Variants in HMMR observed in about 807,000 individuals in gnomAD.
HMMR encodes the protein hyaluronan mediated motility receptor.
HMMR carries 108 observed loss-of-function variants against 101.0 expected under a neutral mutation model. The ratio of observed to expected loss-of-function variants is 1.07; its 90% confidence interval spans 0.92 to 1.25. HMMR has a LOEUF of 1.25. Among genes scored for constraint, HMMR ranks in the 50% most tolerant of loss-of-function variants. HMMR has a pLI of 0.00. For synonymous variants in HMMR, 296 were observed against 276.4 expected, an observed-to-expected ratio of 1.07 and a Z score of -0.70; for missense variants, 813 against 788.7, an observed-to-expected ratio of 1.03 and a Z score of -0.37.
intron 11 of HMMR, among the ~76,000 whole-genome samples, chr5:163,477,488 C>T (rs1379758613): frequency 1.3e-5 from 2 of 151,948 alleles, no homozygotes; most frequent in Non-Finnish European, 2.9e-5. Context: ...TTTTCATATC[C>T]CTGCTTTTGG....
intron 7 of HMMR, 45 bp downstream of exon 7, chr5:163,471,508 CTTGAT>C (rs764540790): frequency 2.3e-6 from 3 of 1,296,232 alleles, no homozygotes; most frequent in East Asian, 4.7e-5. Flanking sequence ...GGAAGCAATT[CTTGAT>C]TTGAGTCTCT....
At chr5:163,473,688 A>G (rs948251420) in intron 9 of HMMR, 131 bp downstream of exon 9, 9 of 583,182 alleles carry the variant, frequency 1.5e-5, no homozygotes, top group African/African-American at 9.6e-5. Context: ...AATTAGCTAT[A>G]TAGCTATACA....
chr5:163,484,318 AATGAAT>A (rs1428418172), intron 16 of HMMR, 73 bp downstream of exon 16: 1 of 712,326 alleles, frequency 1.4e-6, no homozygotes, highest in Non-Finnish European at 2.2e-6. Flanking sequence ...ACTTAAATAA[AATGAAT>A]ATCTTTGGTA....
intron 16 of HMMR, among the ~76,000 whole-genome samples, chr5:163,490,071 C>A (rs1367329342): frequency 1.3e-5 from 2 of 152,166 alleles, no homozygotes; most frequent in Non-Finnish European, 1.5e-5. Context: ...TTTAGTTTCA[C>A]TAGGGAGCAG....
chr5:163,470,188 A>G (rs1028011504), intron 5 of HMMR, among the ~76,000 whole-genome samples: 5 of 152,184 alleles, frequency 3.3e-5, no homozygotes, highest in African/African-American at 1.2e-4. Flanking sequence ...ACAAAACAAA[A>G]CAACATACAC....
chr5:163,479,799 TCTC>T (rs1005290492), intron 12 of HMMR, among the ~76,000 whole-genome samples: 15 of 152,272 alleles, frequency 9.9e-5, no homozygotes, highest in African/African-American at 3.6e-4. Context: ...TCCTTTTCCT[TCTC>T]CTCCTTTTTC....
Position 163,464,707 on chromosome 5 carries a change from A to G in HMMR, c.146-16A>G, listed in dbSNP as rs779671668. On this transcript the variant is annotated splice_polypyrimidine_tract_variant and intron_variant, in intron 2 of 17. Coordinates refer to ENST00000393915, the MANE Select transcript of HMMR (RefSeq NM_001142556.2). Reference sequence around the variant, plus strand: ...ATTGACATCAACCATGATCTGTACAATTCATTTTTCCGCAGAATCTAAACA... The same window carrying G: ...ATTGACATCAACCATGATCTGTACAGTTCATTTTTCCGCAGAATCTAAACA... 3 of 1,553,304 alleles carry G rather than the reference A, an allele frequency of 1.9e-6. No individual in the cohort carries two copies. The highest frequency in any genetic ancestry group is 2.7e-6 in the Non-Finnish European group (3 of 1,126,022).
At position 163,483,331 on chromosome 5, in the gene HMMR, C is replaced by A; in HGVS notation, c.1749C>A (p.Leu583=). 1 of 1,601,766 alleles carries A rather than the reference C, an allele frequency of 6.2e-7. No homozygotes were observed. Among genetic ancestry groups the A allele is most frequent in the Non-Finnish European group, 8.5e-7 (1 of 1,169,620 alleles). ...LTEEINKWRL[L]YEELYNKTKP... ...AAGAAATTAACAAGTGGCGTCTCCT[C>A]TATGAAGAACTATATAATAAAACAA... is the stretch of plus-strand genomic sequence containing the variant. Residue 583 remains leucine (L), a synonymous_variant, in exon 15 of 18, where the codon CTC becomes CTA. Transcript: ENST00000393915.
At chr5:163,469,594 T>C in intron 4 of HMMR, 47 bp from the exon 5 acceptor site, 8 of 1,493,432 alleles carry the variant, frequency 5.4e-6, no homozygotes, top group Non-Finnish European at 7.4e-6. Context: ...CTCCTTATGT[T>C]GGCATTCTAT....
intron 11 of HMMR, among the ~76,000 whole-genome samples, chr5:163,476,533 G>T (rs1759075315): frequency 6.6e-6 from 1 of 152,164 alleles, no homozygotes; most frequent in Non-Finnish European, 1.5e-5. Context: ...TACTCAGGAG[G>T]CTGAGATGGG....
chr5:163,463,832 A>G (rs768549675), intron 1 of HMMR, 24 bp from the exon 2 acceptor site: 95 of 908,432 alleles, frequency 1.0e-4, no homozygotes, highest in Non-Finnish European at 8.7e-5. Flanking sequence ...TAGATAATAT[A>G]TTAATGTTTT....
At position 163,484,135 on chromosome 5, in the gene HMMR, C is replaced by G. The variant is rs151110772; in HGVS notation, c.1852C>G (p.Gln618Glu). 7 of 1,602,864 alleles carry G rather than the reference C, an allele frequency of 4.4e-6. No homozygotes were observed. The highest frequency in any genetic ancestry group is 2.2e-5 in the East Asian group (1 of 44,494). The change falls in exon 16 of 18, where the codon CAG becomes GAG. Residue 618 changes from glutamine to glutamate, a missense_variant. Transcript: ENST00000393915. ...GAATGAACATGGTGCAGCTCAGGAACAGCTAAATAAAATAAGAGATTCATA... is the reference window on the plus strand; with the variant it reads ...GAATGAACATGGTGCAGCTCAGGAAGAGCTAAATAAAATAAGAGATTCATA... ...LLNEHGAAQE[Q>E]LNKIRDSYAK...
chr5:163,469,195 T>C (rs1758791240), intron 4 of HMMR, among the ~76,000 whole-genome samples: 1 of 151,246 alleles, frequency 6.6e-6, no homozygotes, highest in African/African-American at 2.4e-5. Context: ...AAACCCCGTC[T>C]CTATTAAAAA....
At chr5:163,474,468 T>A (rs1759005390) in intron 10 of HMMR, 3 of 475,492 alleles carry the variant, frequency 6.3e-6, no homozygotes, top group Non-Finnish European at 1.2e-5. Context: ...GGCTCATTCT[T>A]GTGTTATTTA....
In HMMR at chr5:163,470,713, G is replaced by A. The variant is rs1758858272; in HGVS notation, c.463-472G>A. ...AAAGAGGGATAAGAACAGTAGACTG[G>A]TACAGTGGCTCATGCCTGTATTTCC... On this transcript the variant is annotated intron_variant, in intron 5 of 17. Coordinates refer to ENST00000393915, the MANE Select transcript of HMMR (RefSeq NM_001142556.2). 2.0e-5 allele frequency among the ~76,000 whole-genome samples: 3 copies of A among 152,178 alleles called. No homozygotes were observed. The South Asian group carries it at 6.2e-4, about 32-fold the overall frequency.
chr5:163,471,518 G>C, intron 7 of HMMR, 55 bp downstream of exon 7: 1 of 1,168,634 alleles, frequency 8.6e-7, no homozygotes, highest in South Asian at 1.3e-5. Flanking sequence ...CTTGATTTGA[G>C]TCTCTTCACA....
At chr5:163,469,319 G>C (rs1001629526) in intron 4 of HMMR, among the ~76,000 whole-genome samples, 1 of 149,834 alleles carries the variant, frequency 6.7e-6, no homozygotes, top group Admixed American at 6.7e-5. Flanking sequence ...AGCCGAGATC[G>C]TGCCACTGCA....
rs147900847 is a variant in HMMR, at chr5:163,473,789, T to C, written c.904+232T>C. Reference sequence around the variant, plus strand: ...CAATACAGCATATTACCTGTCTTGATTGAAATATATACAGTCATATAATTC... The same window carrying C: ...CAATACAGCATATTACCTGTCTTGACTGAAATATATACAGTCATATAATTC... On this transcript the variant is annotated intron_variant, in intron 9 of 17. Transcript: ENST00000393915. 2.9e-4 allele frequency among the ~76,000 whole-genome samples: 44 copies of C among 152,206 alleles called. 1 individual carries two copies. In the East Asian group the frequency reaches 7.5e-3, roughly 26 times the overall value.
rs773884555 is a variant in HMMR at position 163,474,083 on chromosome 5, C to G, written c.931C>G (p.His311Asp). Residue 311 changes from histidine (H) to aspartate (D), a missense_variant, in exon 10 of 18, where the codon CAC (histidine) becomes GAC (aspartate). Coordinates refer to ENST00000393915, the MANE Select transcript of HMMR (RefSeq NM_001142556.2). ...KEDHVNRNRE[H>D]NENLNAEMQN... ...AGACCATGTCAACAGGAATAGAGAACACAACGAAAATCTAAATGCAGAGAT... is the reference window on the plus strand; with the variant it reads ...AGACCATGTCAACAGGAATAGAGAAGACAACGAAAATCTAAATGCAGAGAT... 9.9e-6 allele frequency: 16 copies of G among 1,610,864 alleles called. No homozygotes were observed. Among genetic ancestry groups the G allele is most frequent in the Non-Finnish European group, 1.4e-5 (16 of 1,178,338 alleles).
Sources: gnomAD v4.1 joint callset for allele counts (sites outside exome capture counted in the v4.1 genomes callset) on GRCh38, gnomAD v4.1.1 for gene constraint, MANE v1.5 for transcripts, NCBI Gene and HGNC (gene_info 2026-07-23, HGNC 2026-07-21) for gene names.